Variants in CYS1 observed in about 807,000 individuals in gnomAD.
CYS1 encodes the protein cystin 1.
A neutral mutation model predicts 9.6 loss-of-function variants in CYS1; 5 were observed. The observed-to-expected ratio is 0.52, with a 90% CI of 0.27 to 1.10. CYS1 has a LOEUF of 1.10. CYS1 is among the 50% of genes least tolerant of loss of function. The probability of loss-of-function intolerance (pLI) is 0.11; values close to 1 mark genes in which losing one functional copy is unlikely to be tolerated. For missense variants in CYS1, 221 were observed against 207.9 expected (o/e 1.06, Z -0.39); for synonymous variants, 88 against 95.7 (o/e 0.92, Z 0.47).
rs537549539 is a variant in CYS1, at chr2:10,072,693, G to A, written c.319-6737C>T. On this transcript the variant is annotated intron_variant, in intron 1 of 2. Transcript: ENST00000381813. ...TGTACAGTAGAGAAACTCCTACAAC[G>A]GCTCTCCTGGACCTGACCCAGCTTT... 9.2e-5 allele frequency among the ~76,000 whole-genome samples: 14 copies of A among 152,290 alleles called. No individual in the cohort carries two copies. The South Asian group carries it at 2.9e-3, about 32-fold the overall frequency.
intron 1 of CYS1, among the ~76,000 whole-genome samples, chr2:10,078,995 C>T (rs1451034092): frequency 6.6e-6 from 1 of 152,220 alleles, no homozygotes. Context: ...TTTGTCCAGG[C>T]AGTGTTATAT....
chr2:10,056,857 C>G lies in CYS1; in HGVS notation c.*1996G>C, dbSNP rs1244674195. On this transcript the variant is annotated 3_prime_UTR_variant, in exon 3 of 3. Transcript: ENST00000381813. ...CTACAGCTGCAGTACACACACACCGCTTTATTTGGCTAGCTGCTATTCAGA... is the reference window on the plus strand; with the variant it reads ...CTACAGCTGCAGTACACACACACCGGTTTATTTGGCTAGCTGCTATTCAGA... 1.3e-5 allele frequency: 2 copies of G among 152,226 alleles called. No individual in the cohort carries two copies. Among genetic ancestry groups the G allele is most frequent in the Non-Finnish European group, 1.5e-5 (1 of 68,042 alleles). 9.4% of individuals were successfully genotyped at this position (152,226 alleles called of 1,614,324 possible).
At chr2:10,074,761 T>G (rs956963133) in intron 1 of CYS1, among the ~76,000 whole-genome samples, 1 of 152,210 alleles carries the variant, frequency 6.6e-6, no homozygotes, top group Non-Finnish European at 1.5e-5. Context: ...CCCGTCTCAT[T>G]GGTTTCTGCT....
intron 1 of CYS1, among the ~76,000 whole-genome samples, chr2:10,078,715 C>T (rs56324430): frequency 0.078 from 11,892 of 152,254 alleles, 569 homozygotes; most frequent in Middle Eastern, 0.12. Flanking sequence ...TTTCCCCCAT[C>T]GAGCTGCAGA....
intron 1 of CYS1, among the ~76,000 whole-genome samples, chr2:10,072,038 T>C (rs1488852792): frequency 6.6e-6 from 1 of 152,078 alleles, no homozygotes; most frequent in African/African-American, 2.4e-5. Context: ...CTTAAAGTTT[T>C]TGACTCTTAA....
intron 1 of CYS1, among the ~76,000 whole-genome samples, chr2:10,073,865 G>A (rs1661808878): frequency 6.7e-6 from 1 of 150,192 alleles, no homozygotes; most frequent in African/African-American, 2.5e-5. Flanking sequence ...AGCAGGGCAG[G>A]AAATGTGAGG....
intron 1 of CYS1, among the ~76,000 whole-genome samples, chr2:10,079,510 A>C (rs1402420459): frequency 6.6e-6 from 1 of 152,158 alleles, no homozygotes; most frequent in Non-Finnish European, 1.5e-5. Context: ...CCAGCAAGGC[A>C]AGGATCTGGA....
intron 1 of CYS1, among the ~76,000 whole-genome samples, chr2:10,075,887 A>G (rs1286163948): frequency 6.6e-6 from 1 of 152,190 alleles, no homozygotes; most frequent in Non-Finnish European, 1.5e-5. Context: ...ACCACCTGCT[A>G]ATAAAAATAC....
chr2:10,079,549 C>A (rs1194667289), intron 1 of CYS1, among the ~76,000 whole-genome samples: 1 of 151,986 alleles, frequency 6.6e-6, no homozygotes, highest in African/African-American at 2.4e-5. Context: ...CGCTTCTGAG[C>A]CACCGTCTGG....
At chr2:10,060,318 G>A (rs1159277100) in intron 2 of CYS1, among the ~76,000 whole-genome samples, 4 of 152,256 alleles carry the variant, frequency 2.6e-5, no homozygotes, top group Non-Finnish European at 5.9e-5. Context: ...GAGCTTGGGG[G>A]GCTGGGCTGG....
chr2:10,076,971 T>G lies in CYS1; in HGVS notation c.318+2935A>C, dbSNP rs1661852568. 6.6e-6 allele frequency among the ~76,000 whole-genome samples: 1 copy of G among 152,180 alleles called. No homozygotes were observed. Among genetic ancestry groups the G allele is most frequent in the South Asian group, 2.1e-4 (1 of 4,832 alleles). On this transcript the variant is annotated intron_variant, in intron 1 of 2. Coordinates refer to ENST00000381813, the MANE Select transcript of CYS1 (RefSeq NM_001037160.3). This position sits in a 1 kb window ranked among gnomAD's most constrained non-coding sequence, Gnocchi z 4.3. ...GACAGGCATCTCAAATTTAACATAC[T>G]GAAAACCAACTTCCTGGTTAATGAC...
intron 2 of CYS1, among the ~76,000 whole-genome samples, chr2:10,060,827 G>A (rs1661616988): frequency 6.6e-6 from 1 of 152,230 alleles, no homozygotes; most frequent in Non-Finnish European, 1.5e-5. Context: ...GCTACTCCAC[G>A]AGTCCAGCCT....
intron 2 of CYS1, among the ~76,000 whole-genome samples, chr2:10,064,781 G>C (rs368102911): frequency 6.6e-6 from 1 of 151,710 alleles, no homozygotes; most frequent in African/African-American, 2.4e-5. Flanking sequence ...GAAGTGGCGC[G>C]ATCTTGGCTC....
At chr2:10,078,964 T>A (rs922916659) in intron 1 of CYS1, among the ~76,000 whole-genome samples, 2 of 152,214 alleles carry the variant, frequency 1.3e-5, no homozygotes, top group Non-Finnish European at 1.5e-5. Context: ...ATGTGTGAAT[T>A]CCTCCCAAAT....
chr2:10,069,753 T>C (rs1661740922), intron 1 of CYS1, among the ~76,000 whole-genome samples: 1 of 152,134 alleles, frequency 6.6e-6, no homozygotes, highest in African/African-American at 2.4e-5. Context: ...AGAGGAAACT[T>C]TGGATAATGT....
chr2:10,066,221 C>T (rs1291474472), intron 1 of CYS1, among the ~76,000 whole-genome samples: 1 of 152,250 alleles, frequency 6.6e-6, no homozygotes, highest in Non-Finnish European at 1.5e-5. Context: ...TCCCAGACGG[C>T]CACCCATGTG....
chr2:10,064,667 C>T (rs1403589049), intron 2 of CYS1, among the ~76,000 whole-genome samples: 9 of 152,206 alleles, frequency 5.9e-5, no homozygotes, highest in African/African-American at 1.4e-4. Flanking sequence ...CCTCTCTCCT[C>T]GGCGAACTCC....
chr2:10,059,929 C>A (rs1661604038), intron 2 of CYS1, among the ~76,000 whole-genome samples: 2 of 152,264 alleles, frequency 1.3e-5, no homozygotes, highest in South Asian at 4.1e-4. Flanking sequence ...CTGGACCCTG[C>A]TGGCTTGTCC....
At chr2:10,071,414 T>G (rs537014932) in intron 1 of CYS1, among the ~76,000 whole-genome samples, 1 of 152,268 alleles carries the variant, frequency 6.6e-6, no homozygotes, top group Non-Finnish European at 1.5e-5. Context: ...GGGACCTGAC[T>G]TTGCACTGCT....
Sources: gnomAD v4.1 joint callset for allele counts (sites outside exome capture counted in the v4.1 genomes callset) on GRCh38, gnomAD v4.1.1 for gene constraint, Gnocchi (gnomAD v3.1) non-coding constraint, MANE v1.5 for transcripts, NCBI Gene and HGNC (gene_info 2026-07-23, HGNC 2026-07-21) for gene names.